Variants in HVCN1 observed in about 807,000 individuals in gnomAD.
HVCN1 encodes voltage-gated hydrogen channel 1.
Under a neutral mutation model 29.2 loss-of-function variants are expected in HVCN1, and 14 were observed. The ratio of observed to expected loss-of-function variants is 0.48; its 90% CI spans 0.32 to 0.75. The LOEUF is 0.75. Among genes scored for constraint, HVCN1 ranks in the 30% least tolerant of loss-of-function variants. The pLI is 0.04. For missense variants in HVCN1, 263 were observed against 341.8 expected (o/e 0.77, Z 1.82); for synonymous variants, 131 against 133.2 (o/e 0.98, Z 0.11).
In HVCN1 at chr12:110,651,214, T is replaced by C. The variant is rs1449540393; in HGVS notation, c.643+3A>G. ...CCACAGCCTGGGAGTGCAGGAGACG[T>C]ACCATTGATGATCCGGGCCACCCGC... is the stretch of plus-strand genomic sequence containing the variant. On this transcript the variant is annotated splice_donor_region_variant and intron_variant, in intron 6 of 7. Transcript: ENST00000242607. 3.1e-6 allele frequency: 5 copies of C among 1,606,766 alleles called. No individual in the cohort carries two copies. The highest frequency in any genetic ancestry group is 1.3e-5 in the African/African-American group (1 of 74,690).
chr12:110,666,181 G>C (rs1006283603), intron 3 of HVCN1, among the ~76,000 whole-genome samples: 7 of 152,144 alleles, frequency 4.6e-5, no homozygotes, highest in Non-Finnish European at 1.5e-5. Flanking sequence ...CACTTTGGGA[G>C]GCTGAGGCGG....
chr12:110,666,112 A>G (rs1446570682), intron 3 of HVCN1, among the ~76,000 whole-genome samples: 1 of 151,918 alleles, frequency 6.6e-6, no homozygotes, highest in Non-Finnish European at 1.5e-5. Context: ...AGCTGATAAC[A>G]TATTACCAAA....
intron 1 of HVCN1, 103 bp downstream of exon 1, chr12:110,688,977 C>G (rs934847087): frequency 6.6e-6 from 1 of 151,268 alleles, no homozygotes; most frequent in African/African-American, 2.4e-5. Flanking sequence ...AGCGGAGATG[C>G]GGGGGGGGGT....
intron 2 of HVCN1, among the ~76,000 whole-genome samples, chr12:110,698,174 T>A (rs1183881611): frequency 6.6e-6 from 1 of 152,082 alleles, no homozygotes; most frequent in African/African-American, 2.4e-5. Flanking sequence ...TGTATTATTA[T>A]TTTTTTGTTG....
At chr12:110,697,752 G>C (rs1226946965) in intron 2 of HVCN1, among the ~76,000 whole-genome samples, 1 of 150,870 alleles carries the variant, frequency 6.6e-6, no homozygotes, top group Non-Finnish European at 1.5e-5. Context: ...CCAGGTTCAA[G>C]CGATTCTCCT....
Position 110,649,697 on chromosome 12 carries a change from G to A in HVCN1, c.757-222C>T, listed in dbSNP as rs143381183. On this transcript the variant is annotated intron_variant, in intron 7 of 7. Coordinates refer to ENST00000242607, the MANE Select transcript of HVCN1 (RefSeq NM_032369.4). ...AACGTGGGGGACCTGGCAGAGCCCT[G>A]GGATGTGGGGGTGGGCACAGCTTCA... Among the ~76,000 whole-genome samples the A allele has an allele frequency of 6.8e-3, 1,042 of 152,324 alleles. 1 individual carries two copies. Among genetic ancestry groups the A allele is most frequent in the Non-Finnish European group, 9.3e-3 (636 of 68,028 alleles).
intron 3 of HVCN1, among the ~76,000 whole-genome samples, chr12:110,681,924 C>T (rs921697105): frequency 4.7e-4 from 72 of 152,262 alleles, no homozygotes; most frequent in African/African-American, 1.7e-3. Flanking sequence ...ATTTCCTACT[C>T]GAGATGGCCA....
intron 2 of HVCN1, among the ~76,000 whole-genome samples, chr12:110,683,927 G>GAAAAAAAAAAAAAAAAAGA (rs543302185): frequency 8.9e-6 from 1 of 111,940 alleles, no homozygotes; most frequent in African/African-American, 3.2e-5. Flanking sequence ...AAAAAAAAAG[G>GAAAAAAAAAAAAAAAAAGA]AAAAAAAAAA....
chr12:110,700,021 G>A (rs1274022831), intron 2 of HVCN1, among the ~76,000 whole-genome samples: 1 of 152,172 alleles, frequency 6.6e-6, no homozygotes, highest in African/African-American at 2.4e-5. Flanking sequence ...AGGAGGGGGC[G>A]AACAAGATTG....
At chr12:110,670,177 C>T (rs2068525996) in intron 3 of HVCN1, among the ~76,000 whole-genome samples, 1 of 152,116 alleles carries the variant, frequency 6.6e-6, no homozygotes, top group African/African-American at 2.4e-5. Context: ...AAAAGACAGA[C>T]CTAGAAGCGA....
chr12:110,653,149 GA>G (rs1405586927), intron 5 of HVCN1, among the ~76,000 whole-genome samples: 3 of 152,134 alleles, frequency 2.0e-5, no homozygotes, highest in Non-Finnish European at 4.4e-5. Context: ...AAAGCAGGAG[GA>G]TTTCTCTAGA....
chr12:110,685,671 C>G (rs778811254), intron 2 of HVCN1, among the ~76,000 whole-genome samples: 1 of 152,010 alleles, frequency 6.6e-6, no homozygotes, highest in Admixed American at 6.6e-5. Flanking sequence ...CCCTGCACAC[C>G]CTTTTTTTTT....
At chr12:110,673,568 C>A (rs993425540) in intron 3 of HVCN1, among the ~76,000 whole-genome samples, 1 of 152,156 alleles carries the variant, frequency 6.6e-6, no homozygotes, top group Non-Finnish European at 1.5e-5. Context: ...ACCTTCACAG[C>A]AGCCCCTCCC....
At chr12:110,679,607 A>G (rs2068872783) in intron 3 of HVCN1, among the ~76,000 whole-genome samples, 1 of 152,000 alleles carries the variant, frequency 6.6e-6, no homozygotes, top group African/African-American at 2.4e-5. Flanking sequence ...TAATCCCAGC[A>G]CTTTGGGAGG....
chr12:110,684,312 C>T (rs961781409), intron 2 of HVCN1, among the ~76,000 whole-genome samples: 1 of 152,146 alleles, frequency 6.6e-6, no homozygotes, highest in Non-Finnish European at 1.5e-5. Flanking sequence ...TTAAATGCCA[C>T]TGAATTATTC....
At chr12:110,657,001 G>T (rs1206156476) in intron 4 of HVCN1, among the ~76,000 whole-genome samples, 2 of 152,218 alleles carry the variant, frequency 1.3e-5, no homozygotes, top group Non-Finnish European at 2.9e-5. Context: ...TGAAAAGGAT[G>T]AGGTTCTGAC....
Position 110,659,871 on chromosome 12 carries a change from C to T in HVCN1, c.306+1293G>A, listed in dbSNP as rs2068109908. Among the ~76,000 whole-genome samples, 4 of 152,088 alleles carry T rather than the reference C, an allele frequency of 2.6e-5. No homozygotes were observed. The East Asian group carries it at 7.7e-4, about 29-fold the overall frequency. On this transcript the variant is annotated intron_variant, in intron 4 of 7. Coordinates refer to ENST00000242607, the MANE Select transcript of HVCN1 (RefSeq NM_032369.4). ...TCACTTGAGGTCAGGAGTTTGAGACCAGCCTGGCCAATGGTGAAACCCCGT... is the reference window on the plus strand; with the variant it reads ...TCACTTGAGGTCAGGAGTTTGAGACTAGCCTGGCCAATGGTGAAACCCCGT...
At position 110,676,313 on chromosome 12, in the gene HVCN1, C is replaced by T. The variant is rs940063805; in HGVS notation, c.21+6912G>A. 6.6e-6 allele frequency among the ~76,000 whole-genome samples: 1 copy of T among 152,230 alleles called. No homozygotes were observed. The highest frequency in any genetic ancestry group is 2.4e-5 in the African/African-American group (1 of 41,466). On this transcript the variant is annotated intron_variant, in intron 3 of 7. Transcript: ENST00000242607. This position sits in a 1 kb window ranked among gnomAD's most constrained non-coding sequence, Gnocchi z 4.1. ...TCCCTGCTGCATTCTCCATCAGCTG[C>T]AGGAGAGCATCCCTCCAAGCATGAC...
intron 2 of HVCN1, among the ~76,000 whole-genome samples, chr12:110,701,401 C>A (rs913695645): frequency 1.3e-5 from 2 of 152,136 alleles, no homozygotes; most frequent in African/African-American, 2.4e-5. Context: ...CATTCTTGGG[C>A]CCCAACTTCC....
Sources: allele counts gnomAD v4.1 joint callset (sites outside exome capture counted in the v4.1 genomes callset), GRCh38; gene constraint gnomAD v4.1.1; non-coding constraint Gnocchi (gnomAD v3.1); transcripts MANE v1.5; gene names NCBI Gene and HGNC (gene_info 2026-07-23, HGNC 2026-07-21).